The following PDE6B variants were observed in gnomAD, a reference collection of about 807,000 sequenced individuals.
The protein encoded by PDE6B is phosphodiesterase 6B.
PDE6B carries 106 observed loss-of-function variants against 109.0 expected under a neutral mutation model. That is an observed-to-expected ratio of 0.97 (90% confidence interval 0.83 to 1.14). PDE6B has a LOEUF of 1.14. Among genes scored for constraint, PDE6B ranks in the 50% most tolerant of loss-of-function variants. PDE6B has a pLI of 0.00. For missense variants in PDE6B, 1,193 were observed against 1,155.6 expected (o/e 1.03, Z -0.47); for synonymous variants, 490 against 471.3 (o/e 1.04, Z -0.51).
rs1208252914 is a variant in PDE6B, at chr4:648,702, C to G, written c.712-5150C>G. ...GGCCCTACAGAGCTCAGGTTTCTCT[C>G]TGACCTGTCACGGCAGCTGCCTGTT... On this transcript the variant is annotated intron_variant, in intron 3 of 21. Coordinates refer to ENST00000496514, the MANE Select transcript of PDE6B (RefSeq NM_000283.4). The surrounding 1 kb of genome is among the most constrained non-coding windows in gnomAD (Gnocchi z 4.5). Among the ~76,000 whole-genome samples the G allele has an allele frequency of 6.6e-6, 1 of 152,266 alleles. No homozygotes were observed. Among genetic ancestry groups the G allele is most frequent in the Non-Finnish European group, 1.5e-5 (1 of 68,048 alleles).
chr4:663,100 G>C lies in PDE6B; in HGVS notation c.1833G>C (p.Lys611Asn), dbSNP rs1444045851. ...HRGTNNLYQM[K>N]SQNPLAKLHG... is the part of the protein sequence containing the mutation. ...CTCACCTCCACCACCTGTGTAACAG[G>C]TCCCAGAACCCCTTGGCTAAGCTCC... is the stretch of plus-strand genomic sequence containing the variant. Residue 611 changes from lysine (K) to asparagine (N), a missense_variant and splice_region_variant, in exon 15 of 22, where the codon AAG becomes AAC. Physicochemically the swap from Lys to Asn is moderately conservative, Grantham distance 94 (BLOSUM62 0). Transcript: ENST00000496514. This position sits in a 1 kb window ranked among gnomAD's most constrained non-coding sequence, Gnocchi z 4.0. 6.3e-7 allele frequency: 1 copy of C among 1,599,360 alleles called. No homozygotes were observed.
chr4:670,007 C>T lies in PDE6B; in HGVS notation c.2504-39C>T, dbSNP rs747547658. 3 of 1,539,368 alleles carry T rather than the reference C, an allele frequency of 1.9e-6. No individual in the cohort carries two copies. The South Asian group carries it at 3.4e-5, about 17-fold the overall frequency. ...AGGGAAGGAATAGGGCTGGTGTGCA[C>T]AGGTGGTTCCACTCACCATCTTCTG... On this transcript the variant is annotated intron_variant, in intron 21 of 21. Coordinates refer to ENST00000496514, the MANE Select transcript of PDE6B (RefSeq NM_000283.4).
At chr4:667,803 T>G in intron 20 of PDE6B, 53 bp from the exon 21 acceptor site, 1 of 1,587,700 alleles carries the variant, frequency 6.3e-7, no homozygotes. Flanking sequence ...GCTATCTTAC[T>G]CTGGAGAGAG....
rs1553809872 is a variant in PDE6B, at chr4:656,012, T to C, written c.1059+6T>C. 1.9e-6 allele frequency: 3 copies of C among 1,571,542 alleles called. No individual in the cohort carries two copies. The East Asian group carries it at 6.7e-5, about 35-fold the overall frequency. Reference sequence around the variant, plus strand: ...ACGTGGCAGAAAGCGGCTTTGTGAGTCCCGTGCTGTCTGGAGTCCCCACAG... The same window carrying C: ...ACGTGGCAGAAAGCGGCTTTGTGAGCCCCGTGCTGTCTGGAGTCCCCACAG... On this transcript the variant is annotated splice_donor_region_variant and intron_variant, in intron 7 of 21. Coordinates refer to ENST00000496514, the MANE Select transcript of PDE6B (RefSeq NM_000283.4).
intron 3 of PDE6B, among the ~76,000 whole-genome samples, chr4:638,926 G>A (rs1214041905): frequency 6.6e-6 from 1 of 152,146 alleles, no homozygotes. Flanking sequence ...CCCATGCCCA[G>A]GTCATGCCTA....
In PDE6B at chr4:663,944, C is replaced by G; in HGVS notation, c.2021+74C>G. On this transcript the variant is annotated intron_variant, in intron 16 of 21. Coordinates refer to ENST00000496514, the MANE Select transcript of PDE6B (RefSeq NM_000283.4). This position sits in a 1 kb window ranked among gnomAD's most constrained non-coding sequence, Gnocchi z 4.0. ...GGGACCCCCGGCAGACACGGGGGCG[C>G]AGCGGCGGCACAGCCCGGGGGACGC... 6 of 1,200,874 alleles carry G rather than the reference C, an allele frequency of 5.0e-6. No individual in the cohort carries two copies. Among genetic ancestry groups the G allele is most frequent in the East Asian group, 2.7e-5 (1 of 37,480 alleles). The allele number at this position is 1,200,874 out of a possible 1,614,324, so 74.4% of individuals were successfully genotyped here. A position where few individuals can be genotyped will look rare whatever the true frequency, so the allele number is the denominator to read the frequency against.
At chr4:657,540 G>A in intron 10 of PDE6B, 46 bp downstream of exon 10, 5 of 1,578,024 alleles carry the variant, frequency 3.2e-6, no homozygotes, top group Non-Finnish European at 4.3e-6. Context: ...GGTCACGGCT[G>A]TGTGGCAGGG....
At chr4:638,302 T>C (rs1167272482) in intron 3 of PDE6B, among the ~76,000 whole-genome samples, 2 of 152,196 alleles carry the variant, frequency 1.3e-5, no homozygotes, top group East Asian at 3.8e-4. Context: ...TTCTTAGCAT[T>C]TGAAGAGTTT....
intron 3 of PDE6B, among the ~76,000 whole-genome samples, chr4:642,119 A>G (rs1486554148): frequency 6.6e-6 from 1 of 152,176 alleles, no homozygotes; most frequent in East Asian, 1.9e-4. Flanking sequence ...GAGAGGAGGG[A>G]GATATCTTTG....
chr4:660,490 C>T lies in PDE6B; in HGVS notation c.1491C>T (p.Thr497=), dbSNP rs774872636. The part of the protein sequence containing the change: ...EILKEELPGP[T]TFDIYEFHFS... ...AGAAGGAGGAGCTGCCAGGGCCCAC[C>T]ACATTTGACATCTACGAATTCCACT... is the stretch of plus-strand genomic sequence containing the variant. The change falls in exon 12 of 22, where the codon ACC becomes ACT. Residue 497 remains threonine (T), a synonymous_variant. Coordinates refer to ENST00000496514, the MANE Select transcript of PDE6B (RefSeq NM_000283.4). 2.5e-6 allele frequency: 4 copies of T among 1,613,938 alleles called. No homozygotes were observed. The highest frequency in any genetic ancestry group is 1.1e-5 in the South Asian group (1 of 91,076).
intron 3 of PDE6B, chr4:653,342 C>CG (rs1311734274): frequency 9.2e-7 from 1 of 1,085,034 alleles, no homozygotes; most frequent in Non-Finnish European, 1.1e-6. Context: ...CTGGTGGCAG[C>CG]GCTGACCCAG....
At position 626,202 on chromosome 4, in the gene PDE6B, C is replaced by T. The variant is rs1734095167; in HGVS notation, c.468+108C>T. On this transcript the variant is annotated intron_variant, in intron 1 of 21. Transcript: ENST00000496514. This position sits in a 1 kb window ranked among gnomAD's most constrained non-coding sequence, Gnocchi z 4.6. ...TCAGGCCTCCAGGGAGGCCTCTTGT[C>T]AGGGCACAGGCTAGTTCTGTGCTGA... 2.8e-6 allele frequency: 2 copies of T among 724,030 alleles called. No individual in the cohort carries two copies. Among genetic ancestry groups the T allele is most frequent in the South Asian group, 3.1e-5 (2 of 65,264 alleles). The allele number at this position is 724,030 out of a possible 1,614,324, so 44.9% of individuals were successfully genotyped here.
At chr4:642,990 G>A (rs931576814) in intron 3 of PDE6B, among the ~76,000 whole-genome samples, 3 of 152,066 alleles carry the variant, frequency 2.0e-5, no homozygotes, top group East Asian at 1.9e-4. Flanking sequence ...TTGTTAAATC[G>A]GTCTTGCCAT....
chr4:643,951 G>A (rs1472865227), intron 3 of PDE6B, among the ~76,000 whole-genome samples: 36 of 120,752 alleles, frequency 3.0e-4, no homozygotes, highest in African/African-American at 9.1e-4. Context: ...AGGGAGTCTC[G>A]CTCTGTAGCC....
chr4:638,254 G>T (rs1229973140), intron 3 of PDE6B, among the ~76,000 whole-genome samples: 2 of 152,198 alleles, frequency 1.3e-5, no homozygotes, highest in Non-Finnish European at 2.9e-5. Context: ...TTGGTGAGGT[G>T]TCTGTTCAGA....
In PDE6B at chr4:662,650, C is replaced by T; in HGVS notation, c.1832+32C>T. 7.5e-7 allele frequency: 1 copy of T among 1,326,602 alleles called. No individual in the cohort carries two copies. The allele number at this position is 1,326,602 out of a possible 1,614,324, so 82.2% of individuals were successfully genotyped here. On this transcript the variant is annotated intron_variant, in intron 14 of 21. Coordinates refer to ENST00000496514, the MANE Select transcript of PDE6B (RefSeq NM_000283.4). This position sits in a 1 kb window ranked among gnomAD's most constrained non-coding sequence, Gnocchi z 4.3. ...ACCTCAGGGCGGGCATGTGAATTAG[C>T]CCTAAATCAACTCCACGCCCTTGGC...
At position 663,585 on chromosome 4, in the gene PDE6B, G is replaced by C. The variant is rs577394805; in HGVS notation, c.1921-185G>C. Reference sequence around the variant, plus strand: ...TGCGTCCCAAGCCGACGATGGAGCCGCTGGTGGAGAGCTGGGCACCCTGAG... The same window carrying C: ...TGCGTCCCAAGCCGACGATGGAGCCCCTGGTGGAGAGCTGGGCACCCTGAG... On this transcript the variant is annotated intron_variant, in intron 15 of 21. Coordinates refer to ENST00000496514, the MANE Select transcript of PDE6B (RefSeq NM_000283.4). The surrounding 1 kb of genome is among the most constrained non-coding windows in gnomAD (Gnocchi z 4.0). The C allele has an allele frequency of 2.4e-5, 15 of 631,962 alleles. No individual in the cohort carries two copies. The Admixed American group carries it at 3.2e-4, about 13-fold the overall frequency. 39.1% of individuals were successfully genotyped at this position (631,962 alleles called of 1,614,324 possible).
intron 3 of PDE6B, among the ~76,000 whole-genome samples, chr4:639,820 A>C (rs1376957256): frequency 6.6e-6 from 1 of 151,896 alleles, no homozygotes; most frequent in African/African-American, 2.4e-5. Flanking sequence ...AAATACAAAA[A>C]ATTAGCCAGA....
In PDE6B at chr4:665,218, C is replaced by A. The variant is rs374135539; in HGVS notation, c.2194-37C>A. 1.2e-5 allele frequency: 18 copies of A among 1,530,224 alleles called. No individual in the cohort carries two copies. The highest frequency in any genetic ancestry group is 1.4e-5 in the Non-Finnish European group (16 of 1,105,730). 94.8% of individuals were successfully genotyped at this position (1,530,224 alleles called of 1,614,324 possible). ...GGGCCCGGGCCCTTCCGCGTGGGCTCAGAGCTCCACAGACAGCTGCCTTCC... is the reference window on the plus strand; with the variant it reads ...GGGCCCGGGCCCTTCCGCGTGGGCTAAGAGCTCCACAGACAGCTGCCTTCC... On this transcript the variant is annotated intron_variant, in intron 18 of 21. Transcript: ENST00000496514. This position sits in a 1 kb window ranked among gnomAD's most constrained non-coding sequence, Gnocchi z 4.0.
Sources: allele counts gnomAD v4.1 joint callset (sites outside exome capture counted in the v4.1 genomes callset), GRCh38; gene constraint gnomAD v4.1.1; non-coding constraint Gnocchi (gnomAD v3.1); transcripts MANE v1.5; gene names NCBI Gene and HGNC (gene_info 2026-07-23, HGNC 2026-07-21).